MYO16: variants seen among roughly 807,000 people sequenced by gnomAD.
The protein encoded by MYO16 is unconventional myosin-XVI.
MYO16 carries 94 observed loss-of-function variants against 205.3 expected under a neutral mutation model. That is an observed-to-expected ratio of 0.46 (90% CI 0.39 to 0.54). MYO16 has a LOEUF of 0.54. Ranked by LOEUF, MYO16 falls within the 20% of genes least tolerant of loss-of-function variation. The pLI is 0.00. For synonymous variants in MYO16, 988 were observed against 954.0 expected, an observed-to-expected ratio of 1.04 and a Z score of -0.66; for missense variants, 2,315 against 2,387.5, an observed-to-expected ratio of 0.97 and a Z score of 0.63.
rs574431158 is a variant in MYO16, at chr13:108,881,679, T to C, written c.1426-1380T>C. ...AGCTTCAGTAGCCGATTTGATCAAG[T>C]GGAAGAAAGGGTATCAGTGATTGAA... On this transcript the variant is annotated intron_variant, in intron 12 of 34. Transcript: ENST00000457511. Among the ~76,000 whole-genome samples, 7 of 152,130 alleles carry C rather than the reference T, an allele frequency of 4.6e-5. No individual in the cohort carries two copies. The East Asian group carries it at 1.2e-3, about 25-fold the overall frequency.
intron 2 of MYO16, among the ~76,000 whole-genome samples, chr13:108,670,358 G>A (rs1881930809): frequency 6.6e-6 from 1 of 152,138 alleles, no homozygotes; most frequent in Admixed American, 6.5e-5. Context: ...CTTATATGGG[G>A]CCAGGATGGT....
chr13:108,771,268 A>G (rs1025472037), intron 4 of MYO16, among the ~76,000 whole-genome samples: 1 of 152,164 alleles, frequency 6.6e-6, no homozygotes, highest in Non-Finnish European at 1.5e-5. Flanking sequence ...GAGAAAAACT[A>G]TGTAAGCATA....
At chr13:108,944,531 G>GT (rs1177939597) in intron 16 of MYO16, among the ~76,000 whole-genome samples, 1 of 152,080 alleles carries the variant, frequency 6.6e-6, no homozygotes, top group African/African-American at 2.4e-5. Context: ...TGCTAATTTA[G>GT]TTTTTATTTT....
At chr13:108,705,034 A>T (rs1325973702) in intron 2 of MYO16, among the ~76,000 whole-genome samples, 2 of 152,134 alleles carry the variant, frequency 1.3e-5, no homozygotes, top group African/African-American at 4.8e-5. Flanking sequence ...CCCCTTACCC[A>T]TGATTTTGAT....
At position 108,888,436 on chromosome 13, in the gene MYO16, G is replaced by C; in HGVS notation, c.1618G>C (p.Ala540Pro). ...AATCATAAGACACCTCACCTGCAGG[G>C]CTGGCGCCAGCAGGGCCACACTGGA... The part of the protein sequence containing the change: ...KQIIRHLTCR[A>P]GASRATLDSR... Residue 540 changes from alanine to proline, a missense_variant, in exon 14 of 35, where the codon GCT (alanine) becomes CCT (proline). Ala to Pro is a conservative substitution (Grantham distance 27, BLOSUM62 -1). This residue lies in a region of MYO16 where 1,213 missense variants were observed against 1,274.4 expected (regional missense o/e 0.95). Coordinates refer to ENST00000457511, the MANE Select transcript of MYO16 (RefSeq NM_001198950.3). 1 of 1,611,306 alleles carries C rather than the reference G, an allele frequency of 6.2e-7. No individual in the cohort carries two copies. The highest frequency in any genetic ancestry group is 8.5e-7 in the Non-Finnish European group (1 of 1,179,032).
intron 20 of MYO16, among the ~76,000 whole-genome samples, chr13:108,966,538 A>G (rs981827215): frequency 2.0e-5 from 3 of 152,236 alleles, no homozygotes; most frequent in Non-Finnish European, 4.4e-5. Context: ...GCATGGGAAT[A>G]TTGCCACTGT....
At chr13:108,994,829 A>G (rs918215956) in intron 21 of MYO16, among the ~76,000 whole-genome samples, 1 of 152,284 alleles carries the variant, frequency 6.6e-6, no homozygotes, top group Middle Eastern at 3.4e-3. Context: ...AAAAGTCTTC[A>G]TAGTGGATTT....
chr13:108,782,988 A>G (rs1431097621), intron 4 of MYO16, among the ~76,000 whole-genome samples: 1 of 152,184 alleles, frequency 6.6e-6, no homozygotes, highest in African/African-American at 2.4e-5. Flanking sequence ...CAAAAGGGAA[A>G]TGTGGGGCTG....
At chr13:108,900,746 C>T (rs1021578430) in intron 15 of MYO16, among the ~76,000 whole-genome samples, 3 of 152,054 alleles carry the variant, frequency 2.0e-5, no homozygotes, top group African/African-American at 7.3e-5. Context: ...TGTGTTTGAA[C>T]AATATGAAAT....
At chr13:108,569,688 A>G in the MYO16 span, among the ~76,000 whole-genome samples, 1 of 152,162 alleles carries the variant, frequency 6.6e-6, no homozygotes, top group African/African-American at 2.4e-5. Flanking sequence ...AATGTTGAAT[A>G]GATGTGGTAA....
At chr13:108,600,414 A>C (rs974598974) in intron 1 of MYO16, among the ~76,000 whole-genome samples, 4 of 152,188 alleles carry the variant, frequency 2.6e-5, no homozygotes, top group Non-Finnish European at 5.9e-5. Flanking sequence ...GGTGCTTAGC[A>C]TAGTGTCCAG....
intron 16 of MYO16, among the ~76,000 whole-genome samples, chr13:108,936,142 T>G (rs1472763024): frequency 6.6e-6 from 1 of 150,702 alleles, no homozygotes; most frequent in Non-Finnish European, 1.5e-5. Flanking sequence ...CCTTCCTTCC[T>G]TCCTTCTTTC....
chr13:108,716,921 C>T (rs1883965529), intron 3 of MYO16, among the ~76,000 whole-genome samples: 1 of 151,860 alleles, frequency 6.6e-6, no homozygotes, highest in Admixed American at 6.6e-5. Flanking sequence ...TCTTTTTACC[C>T]CACCATTTAT....
At chr13:109,029,345 C>T (rs1258897434) in intron 23 of MYO16, among the ~76,000 whole-genome samples, 1 of 151,858 alleles carries the variant, frequency 6.6e-6, no homozygotes, top group Non-Finnish European at 1.5e-5. Flanking sequence ...CTCAGGTGAT[C>T]CACTCTCCTC....
intron 27 of MYO16, among the ~76,000 whole-genome samples, chr13:109,093,973 C>A (rs1441155261): frequency 5.3e-5 from 8 of 152,054 alleles, no homozygotes; most frequent in African/African-American, 1.9e-4. Flanking sequence ...CTGAGCCTTA[C>A]CCCATTGCAC....
At chr13:109,100,724 G>T in intron 27 of MYO16, 61 bp from the exon 28 acceptor site, 2 of 1,358,014 alleles carry the variant, frequency 1.5e-6, no homozygotes, top group African/African-American at 1.4e-5. Flanking sequence ...CAGCCCTGTT[G>T]AATGTGATCA....
At chr13:108,826,602 GA>G (rs143898237) in intron 9 of MYO16, among the ~76,000 whole-genome samples, 3 of 151,310 alleles carry the variant, frequency 2.0e-5, no homozygotes, top group Admixed American at 6.6e-5. Context: ...ATAAGAAAGT[GA>G]AAAAAAAGAC....
intron 27 of MYO16, among the ~76,000 whole-genome samples, chr13:109,094,099 C>A (rs1209092684): frequency 6.6e-6 from 1 of 152,226 alleles, no homozygotes; most frequent in Non-Finnish European, 1.5e-5. Flanking sequence ...ACCGGGACTA[C>A]AGTTCCCCCA....
chr13:108,783,673 G>A, intron 4 of MYO16, among the ~76,000 whole-genome samples: 1 of 152,174 alleles, frequency 6.6e-6, no homozygotes. Context: ...GACAGACCCA[G>A]GGAGAGGTCA....
Sources: allele counts gnomAD v4.1 joint callset (sites outside exome capture counted in the v4.1 genomes callset), GRCh38; gene constraint gnomAD v4.1.1; regional missense constraint gnomAD v4.1.1; transcripts MANE v1.5; gene names NCBI Gene and HGNC (gene_info 2026-07-23, HGNC 2026-07-21).